The following RPS6KC1 variants were observed in gnomAD, a reference collection of about 807,000 sequenced individuals.
RPS6KC1 encodes the protein inactive ribosomal protein S6 kinase delta-1.
RPS6KC1 carries 54 observed loss-of-function variants against 103.8 expected under a neutral mutation model. That is an observed-to-expected ratio of 0.52 (90% CI 0.42 to 0.65). The LOEUF (loss-of-function observed/expected upper bound fraction) is 0.65. Among genes scored for constraint, RPS6KC1 ranks in the 30% least tolerant of loss-of-function variants. The pLI is 0.00. For synonymous variants in RPS6KC1, 439 were observed against 438.7 expected (o/e 1.00, Z -0.01); for missense variants, 1,151 against 1,253.8 (o/e 0.92, Z 1.24).
chr1:213,329,044 G>A, the RPS6KC1 span, among the ~76,000 whole-genome samples: 2 of 152,182 alleles, frequency 1.3e-5, no homozygotes, highest in Non-Finnish European at 2.9e-5. Context: ...CTTCAGAGAA[G>A]TGAAGACGTT....
the RPS6KC1 span, among the ~76,000 whole-genome samples, chr1:213,757,420 G>T: frequency 6.6e-6 from 1 of 152,058 alleles, no homozygotes; most frequent in Non-Finnish European, 1.5e-5. Context: ...TAGAAGATCA[G>T]ACAAGCCACA....
At chr1:213,731,480 C>T in the RPS6KC1 span, 1 of 152,182 alleles carries the variant, frequency 6.6e-6, no homozygotes, top group African/African-American at 2.4e-5. Context: ...CTAAAGGATT[C>T]TGTCACTCCA....
At chr1:213,057,819 A>G (rs1348623098) in intron 1 of RPS6KC1, among the ~76,000 whole-genome samples, 1 of 123,982 alleles carries the variant, frequency 8.1e-6, no homozygotes, top group Non-Finnish European at 1.6e-5. Context: ...GCTGGAGTGC[A>G]GTGGCGTGAT....
intron 6 of RPS6KC1, among the ~76,000 whole-genome samples, chr1:213,153,194 G>C (rs1355992014): frequency 2.0e-5 from 3 of 152,030 alleles, no homozygotes; most frequent in African/African-American, 4.8e-5. Flanking sequence ...GTCTAGCTTC[G>C]GCTCAGCATG....
the RPS6KC1 span, among the ~76,000 whole-genome samples, chr1:213,397,638 G>A: frequency 6.7e-6 from 1 of 148,208 alleles, no homozygotes; most frequent in Non-Finnish European, 1.5e-5. Context: ...GACACTTTGA[G>A]TTAGGGCAAT....
chr1:213,672,833 C>T, the RPS6KC1 span, among the ~76,000 whole-genome samples: 2 of 152,278 alleles, frequency 1.3e-5, no homozygotes, highest in Non-Finnish European at 1.5e-5. Context: ...TCATCTCATC[C>T]CTGTACGTTT....
chr1:213,206,323 A>G (rs1276885473), intron 8 of RPS6KC1, among the ~76,000 whole-genome samples: 7 of 152,220 alleles, frequency 4.6e-5, no homozygotes, highest in Admixed American at 6.5e-5. Context: ...TGGTCTATCT[A>G]CAGTGCCCCA....
the RPS6KC1 span, among the ~76,000 whole-genome samples, chr1:213,640,592 T>C: frequency 6.6e-6 from 1 of 151,878 alleles, no homozygotes; most frequent in Non-Finnish European, 1.5e-5. Context: ...CCATAGATTT[T>C]CATGTGTTGT....
intron 8 of RPS6KC1, among the ~76,000 whole-genome samples, chr1:213,178,208 A>G (rs2092015970): frequency 6.7e-6 from 1 of 149,464 alleles, no homozygotes; most frequent in Non-Finnish European, 1.5e-5. Context: ...TAAATAAATA[A>G]ATAAATAAAT....
intron 8 of RPS6KC1, among the ~76,000 whole-genome samples, chr1:213,220,562 C>T (rs535263134): frequency 6.6e-6 from 1 of 152,270 alleles, no homozygotes; most frequent in African/African-American, 2.4e-5. Flanking sequence ...CTGGCCTCAG[C>T]AATCTGCCCG....
the RPS6KC1 span, among the ~76,000 whole-genome samples, chr1:213,304,198 T>G: frequency 1.3e-5 from 1 of 75,086 alleles, no homozygotes; most frequent in Non-Finnish European, 2.4e-5. Flanking sequence ...AGAGCGAGAC[T>G]CCATCTCAAA....
the RPS6KC1 span, among the ~76,000 whole-genome samples, chr1:213,444,744 C>CAA: frequency 0.075 from 6,547 of 87,222 alleles, 486 homozygotes; most frequent in African/African-American, 0.17. Context: ...AACTCCAACT[C>CAA]AAAAAAAAAA....
At chr1:213,701,265 CAT>C in the RPS6KC1 span, among the ~76,000 whole-genome samples, 450 of 151,788 alleles carry the variant, frequency 3.0e-3, 2 homozygotes, top group African/African-American at 0.01. Flanking sequence ...ATCATGAAGA[CAT>C]GTTGAATTTT....
the RPS6KC1 span, among the ~76,000 whole-genome samples, chr1:213,672,331 C>T: frequency 5.3e-5 from 8 of 152,298 alleles, no homozygotes; most frequent in East Asian, 1.5e-3. Context: ...TATTCTGGGC[C>T]TCCATTTCTG....
chr1:213,482,627 C>A, the RPS6KC1 span, among the ~76,000 whole-genome samples: 1 of 135,542 alleles, frequency 7.4e-6, no homozygotes, highest in Non-Finnish European at 1.5e-5. Context: ...CGGCTCACTG[C>A]AGCCTCTACC....
chr1:213,406,264 T>C, the RPS6KC1 span, among the ~76,000 whole-genome samples: 3 of 152,242 alleles, frequency 2.0e-5, no homozygotes, highest in African/African-American at 4.8e-5. Context: ...CTCATGGGCA[T>C]GGGCCTAAAA....
the RPS6KC1 span, among the ~76,000 whole-genome samples, chr1:213,626,695 G>A: frequency 0.13 from 20,489 of 151,940 alleles, 2,144 homozygotes; most frequent in African/African-American, 0.29. Flanking sequence ...TCCTTTCCCC[G>A]TTTCTTGTTT....
At chr1:213,289,429 G>A in the RPS6KC1 span, among the ~76,000 whole-genome samples, 1 of 152,058 alleles carries the variant, frequency 6.6e-6, no homozygotes, top group African/African-American at 2.4e-5. Context: ...ACACAACAGC[G>A]TGGAACTGGG....
At chr1:213,204,106 T>C (rs1487021566) in intron 8 of RPS6KC1, among the ~76,000 whole-genome samples, 1 of 152,198 alleles carries the variant, frequency 6.6e-6, no homozygotes, top group African/African-American at 2.4e-5. Flanking sequence ...AAACTGTTTT[T>C]AATTGCCTCT....
Sources: allele counts gnomAD v4.1 joint callset (sites outside exome capture counted in the v4.1 genomes callset), GRCh38; gene constraint gnomAD v4.1.1; transcripts MANE v1.5; gene names NCBI Gene and HGNC (gene_info 2026-07-23, HGNC 2026-07-21).